NRG3: variants seen among roughly 807,000 people sequenced by gnomAD.
The protein encoded by NRG3 is pro-neuregulin-3, membrane-bound isoform.
NRG3 carries 31 observed loss-of-function variants against 66.9 expected under a neutral mutation model. That is an observed-to-expected ratio of 0.46 (90% CI 0.35 to 0.63). The LOEUF (loss-of-function observed/expected upper bound fraction) is 0.63. Among genes scored for constraint, NRG3 ranks in the 20% least tolerant of loss-of-function variants. The pLI, the probability that NRG3 is intolerant of heterozygous loss-of-function variation, is 0.00. For synonymous variants in NRG3, 393 were observed against 359.4 expected (o/e 1.09, Z -1.06); for missense variants, 910 against 878.9 (o/e 1.04, Z -0.45).
At chr10:82,118,241 TC>T (rs2067853478) in intron 1 of NRG3, among the ~76,000 whole-genome samples, 1 of 150,554 alleles carries the variant, frequency 6.6e-6, no homozygotes, top group African/African-American at 2.4e-5. Context: ...AACTAAAAAA[TC>T]TATATGTGCT....
chr10:82,136,896 C>T (rs2069403227), intron 1 of NRG3, among the ~76,000 whole-genome samples: 1 of 152,202 alleles, frequency 6.6e-6, no homozygotes, highest in Non-Finnish European at 1.5e-5. Flanking sequence ...CTTTCAAACA[C>T]ATAGATTCTT....
At chr10:82,701,877 C>T (rs571297667) in intron 2 of NRG3, among the ~76,000 whole-genome samples, 28 of 152,284 alleles carry the variant, frequency 1.8e-4, no homozygotes, top group Admixed American at 3.3e-4. Flanking sequence ...CCTCATTCTT[C>T]TTACCATGTA....
At chr10:82,360,857 C>T (rs2084088487) in intron 2 of NRG3, among the ~76,000 whole-genome samples, 1 of 151,934 alleles carries the variant, frequency 6.6e-6, no homozygotes. Flanking sequence ...CTTTTGAGGC[C>T]TCCCTCCTTG....
intron 1 of NRG3, among the ~76,000 whole-genome samples, chr10:82,070,254 G>A (rs966909373): frequency 3.9e-5 from 6 of 152,050 alleles, no homozygotes; most frequent in Non-Finnish European, 8.8e-5. Context: ...CACATTGAGG[G>A]GGCCTTTCAT....
chr10:82,846,643 G>T (rs2063321060), intron 3 of NRG3, among the ~76,000 whole-genome samples: 1 of 152,172 alleles, frequency 6.6e-6, no homozygotes, highest in Admixed American at 6.5e-5. Flanking sequence ...GTAATGTCAA[G>T]ACGGTGTGTG....
chr10:82,868,843 C>CAT (rs1468756015), intron 4 of NRG3, among the ~76,000 whole-genome samples: 10 of 152,212 alleles, frequency 6.6e-5, no homozygotes, highest in African/African-American at 2.4e-4. Context: ...CAGGCGCCTG[C>CAT]CACCACGCTC....
chr10:81,913,327 C>G (rs951011657), intron 1 of NRG3, among the ~76,000 whole-genome samples: 4 of 152,132 alleles, frequency 2.6e-5, no homozygotes, highest in Non-Finnish European at 5.9e-5. Context: ...TCATGCAGAG[C>G]CAAGTGCTAT....
chr10:82,071,982 G>C (rs1030248826), intron 1 of NRG3, among the ~76,000 whole-genome samples: 1 of 152,168 alleles, frequency 6.6e-6, no homozygotes, highest in Non-Finnish European at 1.5e-5. Flanking sequence ...CATACACACA[G>C]TCCAGTCCTT....
At chr10:82,862,098 G>A (rs1016521146) in intron 3 of NRG3, among the ~76,000 whole-genome samples, 1 of 152,084 alleles carries the variant, frequency 6.6e-6, no homozygotes, top group African/African-American at 2.4e-5. Flanking sequence ...AAAGCTCAGT[G>A]GGCCACTTTT....
chr10:82,599,665 A>G (rs117127205), intron 2 of NRG3, among the ~76,000 whole-genome samples: 7 of 152,110 alleles, frequency 4.6e-5, no homozygotes, highest in East Asian at 1.9e-4. Flanking sequence ...AATACAAAAA[A>G]TAGTCGGGCG....
At chr10:81,988,033 T>A (rs559756975) in intron 1 of NRG3, among the ~76,000 whole-genome samples, 40 of 152,292 alleles carry the variant, frequency 2.6e-4, no homozygotes, top group South Asian at 2.5e-3. Flanking sequence ...AAGTAATTTC[T>A]AAGATAATAT....
chr10:82,776,832 C>G (rs950379170), intron 3 of NRG3, among the ~76,000 whole-genome samples: 2 of 151,994 alleles, frequency 1.3e-5, no homozygotes, highest in Non-Finnish European at 2.9e-5. Context: ...TTTTCTTGAT[C>G]TTACTGAATT....
chr10:82,549,826 G>T (rs1457931179), intron 2 of NRG3, among the ~76,000 whole-genome samples: 1 of 145,284 alleles, frequency 6.9e-6, no homozygotes, highest in Non-Finnish European at 1.5e-5. Flanking sequence ...CCAATAATTG[G>T]GAAACTTGAC....
At chr10:82,061,342 T>A (rs1234575531) in intron 1 of NRG3, among the ~76,000 whole-genome samples, 1 of 151,820 alleles carries the variant, frequency 6.6e-6, no homozygotes, top group Admixed American at 6.6e-5. Context: ...CAGAGCAAGA[T>A]TTTCCCTCTC....
At chr10:82,003,356 G>A (rs192228355) in intron 1 of NRG3, among the ~76,000 whole-genome samples, 24 of 152,230 alleles carry the variant, frequency 1.6e-4, no homozygotes, top group Non-Finnish European at 2.9e-4. Flanking sequence ...GTTAAACATT[G>A]GGGTTTTTAT....
chr10:82,549,943 T>C (rs2044191536), intron 2 of NRG3, among the ~76,000 whole-genome samples: 1 of 152,076 alleles, frequency 6.6e-6, no homozygotes, highest in Non-Finnish European at 1.5e-5. Flanking sequence ...TGAGAGAGTA[T>C]GGATTAGAAG....
intron 2 of NRG3, among the ~76,000 whole-genome samples, chr10:82,543,632 A>T (rs1452338438): frequency 6.6e-6 from 1 of 152,194 alleles, no homozygotes; most frequent in African/African-American, 2.4e-5. Context: ...TCGTCCAGGG[A>T]CTGTGATGAG....
intron 3 of NRG3, among the ~76,000 whole-genome samples, chr10:82,864,157 A>G (rs1446003209): frequency 1.3e-5 from 2 of 152,098 alleles, no homozygotes; most frequent in African/African-American, 4.8e-5. Flanking sequence ...TGATGGAAGA[A>G]TTTGGAAAAA....
At chr10:82,360,702 C>T (rs2084076929) in intron 2 of NRG3, among the ~76,000 whole-genome samples, 1 of 152,176 alleles carries the variant, frequency 6.6e-6, no homozygotes, top group Admixed American at 6.5e-5. Flanking sequence ...AATTTACTTT[C>T]TCACAGTCCC....
Sources: gnomAD v4.1 joint callset for allele counts (sites outside exome capture counted in the v4.1 genomes callset) on GRCh38, gnomAD v4.1.1 for gene constraint, MANE v1.5 for transcripts, NCBI Gene and HGNC (gene_info 2026-07-23, HGNC 2026-07-21) for gene names.